The following GAS7 variants were observed in gnomAD, a reference collection of about 807,000 sequenced individuals.
The protein encoded by GAS7 is growth arrest-specific protein 7.
Under a neutral mutation model 71.1 loss-of-function variants are expected in GAS7, and 28 were observed. The ratio of observed to expected loss-of-function variants is 0.39; its 90% CI spans 0.29 to 0.54. The LOEUF (loss-of-function observed/expected upper bound fraction) is 0.54, where lower values mean the gene tolerates loss of function less well. Ranked by LOEUF, GAS7 falls within the 20% of genes least tolerant of loss-of-function variation. The pLI, the probability that GAS7 is intolerant of heterozygous loss-of-function variation, is 0.62. For synonymous variants in GAS7, 258 were observed against 245.8 expected (o/e 1.05, Z -0.46); for missense variants, 436 against 627.8 (o/e 0.69, Z 3.27).
intron 1 of GAS7, among the ~76,000 whole-genome samples, chr17:10,167,772 C>T (rs539765078): frequency 5.9e-5 from 9 of 152,144 alleles, no homozygotes; most frequent in Non-Finnish European, 1.3e-4. Context: ...AATCACAGCC[C>T]ACAGGAGCCG....
intron 1 of GAS7, among the ~76,000 whole-genome samples, chr17:10,158,463 A>G (rs1448198467): frequency 6.6e-6 from 1 of 151,932 alleles, no homozygotes; most frequent in Non-Finnish European, 1.5e-5. Context: ...CCTGGGTAAC[A>G]TAGCAAGATC....
intron 1 of GAS7, among the ~76,000 whole-genome samples, chr17:10,132,438 C>T (rs1567604766): frequency 6.6e-6 from 1 of 152,166 alleles, no homozygotes; most frequent in Non-Finnish European, 1.5e-5. Context: ...CATGTGGTAT[C>T]ACATTTAAAG....
In GAS7 at chr17:9,919,978, T is replaced by TG. The variant is rs548712276; in HGVS notation, c.1139-274dup. Among the ~76,000 whole-genome samples, 1 of 124,686 alleles carries TG rather than the reference T, an allele frequency of 8.0e-6. No homozygotes were observed. The highest frequency in any genetic ancestry group is 1.6e-5 in the Non-Finnish European group (1 of 63,606). The allele number at this position is 124,686 out of a possible 152,430, so 81.8% of individuals were successfully genotyped here. On this transcript the variant is annotated intron_variant, in intron 11 of 13. Transcript: ENST00000432992. The surrounding 1 kb of genome is among the most constrained non-coding windows in gnomAD (Gnocchi z 5.0). ...GATGGTGGTTCTCATTTTGTGTGTG[T>TG]GTGTGTGTGTGTGTGTGTGTGTGTG...
chr17:10,126,452 GCA>G (rs1161647762), intron 1 of GAS7, among the ~76,000 whole-genome samples: 2 of 146,090 alleles, frequency 1.4e-5, no homozygotes, highest in African/African-American at 2.5e-5. Context: ...ACGCGCGCGC[GCA>G]CACGCACTCA....
chr17:10,005,183 GTA>G (rs1386946215), intron 2 of GAS7, among the ~76,000 whole-genome samples: 16 of 151,164 alleles, frequency 1.1e-4, no homozygotes, highest in African/African-American at 3.2e-4. Flanking sequence ...GCATGTATGT[GTA>G]TGTGCACGCA....
intron 1 of GAS7, among the ~76,000 whole-genome samples, chr17:10,169,464 C>G (rs2074319288): frequency 6.6e-6 from 1 of 152,094 alleles, no homozygotes; most frequent in Admixed American, 6.6e-5. Flanking sequence ...CTAACAACAC[C>G]AGGAAGGGTG....
chr17:10,016,205 G>A (rs1315202800), intron 2 of GAS7, among the ~76,000 whole-genome samples: 2 of 151,690 alleles, frequency 1.3e-5, no homozygotes, highest in Admixed American at 1.3e-4. Flanking sequence ...CTAACACGGT[G>A]AAACCCCATC....
intron 1 of GAS7, among the ~76,000 whole-genome samples, chr17:10,146,105 T>C (rs1567609761): frequency 6.6e-6 from 1 of 152,100 alleles, no homozygotes; most frequent in Non-Finnish European, 1.5e-5. Flanking sequence ...AAGCATCTGG[T>C]TCTCCCCAAA....
At chr17:9,939,330 C>T (rs578201672) in intron 8 of GAS7, among the ~76,000 whole-genome samples, 6 of 152,262 alleles carry the variant, frequency 3.9e-5, no homozygotes, top group Non-Finnish European at 5.9e-5. Flanking sequence ...GGTTAAGCTT[C>T]TCCCAGCCCA....
At chr17:10,174,322 T>C (rs1235957481) in intron 1 of GAS7, among the ~76,000 whole-genome samples, 1 of 152,214 alleles carries the variant, frequency 6.6e-6, no homozygotes. Context: ...GGGGATGCAG[T>C]CTGTAGAACA....
Position 9,915,074 on chromosome 17 carries a change from G to T in GAS7, c.*2154C>A, listed in dbSNP as rs183514594. On this transcript the variant is annotated 3_prime_UTR_variant, in exon 14 of 14. Coordinates refer to ENST00000432992, the MANE Select transcript of GAS7 (RefSeq NM_201433.2). ...GAAGAAAGAAAGGAAGTACGTGAAGGGGGTAAAGAGAAGGAGGTGAGGGGA... is the reference window on the plus strand; with the variant it reads ...GAAGAAAGAAAGGAAGTACGTGAAGTGGGTAAAGAGAAGGAGGTGAGGGGA... 1.1e-4 allele frequency: 26 copies of T among 231,464 alleles called. No homozygotes were observed. The highest frequency in any genetic ancestry group is 5.7e-4 in the African/African-American group (26 of 45,322). The allele number at this position is 231,464 out of a possible 1,614,324, so 14.3% of individuals were successfully genotyped here.
chr17:10,036,441 G>A, intron 1 of GAS7: 2 of 1,612,596 alleles, frequency 1.2e-6, no homozygotes, highest in Non-Finnish European at 1.7e-6. Flanking sequence ...TACCATCAGA[G>A]AACAGCTAAC....
intron 1 of GAS7, among the ~76,000 whole-genome samples, chr17:10,100,415 T>C (rs2073687158): frequency 6.6e-6 from 1 of 152,200 alleles, no homozygotes; most frequent in African/African-American, 2.4e-5. Context: ...CTGCCCTCTA[T>C]TCCTTCAGGT....
chr17:10,054,491 T>C (rs2073108709), intron 1 of GAS7, among the ~76,000 whole-genome samples: 1 of 152,194 alleles, frequency 6.6e-6, no homozygotes. Context: ...GGCAACCAAC[T>C]GAAACATTTT....
At chr17:10,036,358 G>T in intron 1 of GAS7, 1 of 1,201,288 alleles carries the variant, frequency 8.3e-7, no homozygotes, top group Non-Finnish European at 1.2e-6. Flanking sequence ...CTTTACCATG[G>T]CACAGTCATT....
rs774035883 is a variant in GAS7 at position 10,034,150 on chromosome 17, A to G, written c.184-14253T>C. On this transcript the variant is annotated intron_variant, in intron 1 of 13. Transcript: ENST00000432992. The surrounding 1 kb of genome is among the most constrained non-coding windows in gnomAD (Gnocchi z 4.4). ...ACCGTGCGAAGAACACAGGATGGGA[A>G]TCGGAGCTGGTAAAGCTGCAGCAGT... The G allele has an allele frequency of 1.1e-5, 11 of 985,232 alleles. No homozygotes were observed. The highest frequency in any genetic ancestry group is 1.3e-5 in the Non-Finnish European group (11 of 829,778). 61.0% of individuals were successfully genotyped at this position (985,232 alleles called of 1,614,324 possible). A position where few individuals can be genotyped will look rare whatever the true frequency, so the allele number is the denominator to read the frequency against.
rs763095312 is a variant in GAS7 at position 10,061,763 on chromosome 17, C to T, written c.184-41866G>A. Reference sequence around the variant, plus strand: ...GGCCCCTGGTTCATTTCTCCCACAGCGAACTGTGCTGGGCGTTCCCACTCC... The same window carrying T: ...GGCCCCTGGTTCATTTCTCCCACAGTGAACTGTGCTGGGCGTTCCCACTCC... On this transcript the variant is annotated intron_variant, in intron 1 of 13. Coordinates refer to ENST00000432992, the MANE Select transcript of GAS7 (RefSeq NM_201433.2). 2.0e-5 allele frequency among the ~76,000 whole-genome samples: 3 copies of T among 152,240 alleles called. No individual in the cohort carries two copies. The South Asian group carries it at 6.2e-4, about 32-fold the overall frequency.
At chr17:10,132,541 G>A (rs1429436888) in intron 1 of GAS7, among the ~76,000 whole-genome samples, 1 of 152,172 alleles carries the variant, frequency 6.6e-6, no homozygotes, top group Non-Finnish European at 1.5e-5. Context: ...CGAGGTGGGT[G>A]GATCACTTGA....
chr17:9,921,159 T>C (rs900163931), intron 11 of GAS7, among the ~76,000 whole-genome samples: 2 of 145,716 alleles, frequency 1.4e-5, no homozygotes, highest in Non-Finnish European at 3.0e-5. Context: ...ATTTTTTTCT[T>C]TTTTTTTTTT....
Sources: gnomAD v4.1 joint callset for allele counts (sites outside exome capture counted in the v4.1 genomes callset) on GRCh38, gnomAD v4.1.1 for gene constraint, Gnocchi (gnomAD v3.1) non-coding constraint, MANE v1.5 for transcripts, NCBI Gene and HGNC (gene_info 2026-07-23, HGNC 2026-07-21) for gene names.